Variants in POLN observed in about 807,000 individuals in gnomAD.
POLN encodes the protein DNA polymerase N.
Under a neutral mutation model 113.5 loss-of-function variants are expected in POLN, and 108 were observed. The observed-to-expected ratio is 0.95, with a 90% CI of 0.81 to 1.12. The LOEUF (loss-of-function observed/expected upper bound fraction) is 1.12. POLN is among the 50% of genes most tolerant of loss of function. The probability of loss-of-function intolerance (pLI) is 0.00; values close to 1 mark genes in which losing one functional copy is unlikely to be tolerated. For synonymous variants in POLN, 386 were observed against 391.5 expected (o/e 0.99, Z 0.17); for missense variants, 1,097 against 1,077.1 (o/e 1.02, Z -0.26).
At chr4:2,197,598 T>C (rs1040210323) in intron 6 of POLN, among the ~76,000 whole-genome samples, 1 of 152,212 alleles carries the variant, frequency 6.6e-6, no homozygotes, top group Non-Finnish European at 1.5e-5. Context: ...ATCCAGATAT[T>C]AGGGCTCTGT....
At chr4:2,103,809 G>C (rs1367397329) in intron 19 of POLN, among the ~76,000 whole-genome samples, 3 of 152,164 alleles carry the variant, frequency 2.0e-5, no homozygotes, top group Non-Finnish European at 2.9e-5. Context: ...CATATTCAAA[G>C]TGCTGAAAGA....
intron 2 of POLN, chr4:2,236,515 A>G (rs897657073): frequency 9.0e-6 from 11 of 1,225,202 alleles, no homozygotes; most frequent in Admixed American, 8.8e-5. Flanking sequence ...CATTTTCAAA[A>G]TTACAATCCA....
At chr4:2,215,470 G>T (rs1006856119) in intron 3 of POLN, among the ~76,000 whole-genome samples, 1 of 152,176 alleles carries the variant, frequency 6.6e-6, no homozygotes, top group Non-Finnish European at 1.5e-5. Context: ...TCACTCAAAG[G>T]CCTGCCCTGA....
chr4:2,129,888 C>CA (rs1731677728), intron 17 of POLN, among the ~76,000 whole-genome samples: 1 of 152,074 alleles, frequency 6.6e-6, no homozygotes, highest in African/African-American at 2.4e-5. Flanking sequence ...GAAGGGGCAG[C>CA]AGGGGATGAA....
intron 9 of POLN, among the ~76,000 whole-genome samples, chr4:2,175,694 C>A (rs924434920): frequency 6.6e-6 from 1 of 152,240 alleles, no homozygotes; most frequent in African/African-American, 2.4e-5. Context: ...CCTCCAGACC[C>A]ATTCTCTGCC....
At chr4:2,096,378 C>T (rs1010956167) in intron 19 of POLN, among the ~76,000 whole-genome samples, 9 of 152,160 alleles carry the variant, frequency 5.9e-5, no homozygotes, top group Admixed American at 2.0e-4. Context: ...CAGACAGAGG[C>T]CATGGGGGTG....
At chr4:2,122,305 T>G (rs1012807328) in intron 19 of POLN, among the ~76,000 whole-genome samples, 3 of 152,208 alleles carry the variant, frequency 2.0e-5, no homozygotes, top group Non-Finnish European at 4.4e-5. Context: ...TATTACATAC[T>G]TTAAAAATTC....
chr4:2,180,017 T>A (rs1279589545), intron 7 of POLN, among the ~76,000 whole-genome samples: 1 of 152,192 alleles, frequency 6.6e-6, no homozygotes, highest in Non-Finnish European at 1.5e-5. Context: ...AAAGATACTT[T>A]GGCATTCTCC....
chr4:2,139,407 T>G (rs1731941673), intron 16 of POLN, among the ~76,000 whole-genome samples: 1 of 152,226 alleles, frequency 6.6e-6, no homozygotes, highest in African/African-American at 2.4e-5. Context: ...CCCAGTTCCT[T>G]AGTGGGTCAC....
At chr4:2,156,577 C>G (rs559250628) in intron 16 of POLN, 1 of 645,404 alleles carries the variant, frequency 1.5e-6, no homozygotes, top group Admixed American at 2.4e-5. Flanking sequence ...GTGAAGCCCC[C>G]CTCTTGCTAA....
intron 19 of POLN, among the ~76,000 whole-genome samples, chr4:2,122,369 C>T (rs957203915): frequency 6.6e-6 from 1 of 152,072 alleles, no homozygotes; most frequent in African/African-American, 2.4e-5. Context: ...AAAAAGGACA[C>T]CTTCTGGGAG....
At chr4:2,200,018 G>A (rs1330338056) in intron 5 of POLN, among the ~76,000 whole-genome samples, 2 of 152,080 alleles carry the variant, frequency 1.3e-5, no homozygotes, top group Non-Finnish European at 2.9e-5. Flanking sequence ...ATTCCTACAG[G>A]AAATTAAAGT....
rs143822193 is a variant in POLN at position 2,095,820 on chromosome 4, C to A, written c.2065+31G>T. On this transcript the variant is annotated intron_variant, in intron 20 of 25. Transcript: ENST00000511885. Reference sequence around the variant, plus strand: ...CACAGCTGCCAGCTTACAGGTAACCCCGAGACCCCAGCTCCCGGCCCGCAG... The same window carrying A: ...CACAGCTGCCAGCTTACAGGTAACCACGAGACCCCAGCTCCCGGCCCGCAG... 4.1e-4 allele frequency: 651 copies of A among 1,606,472 alleles called. 8 individuals carry two copies. In the East Asian group the frequency reaches 0.014, roughly 35 times the overall value.
intron 5 of POLN, among the ~76,000 whole-genome samples, chr4:2,205,790 A>G (rs895451653): frequency 1.3e-5 from 2 of 150,846 alleles, no homozygotes; most frequent in African/African-American, 4.9e-5. Flanking sequence ...CAGAAGAATC[A>G]CTTGAACCCA....
intron 25 of POLN, among the ~76,000 whole-genome samples, chr4:2,072,707 T>A (rs1730179027): frequency 6.6e-6 from 1 of 152,048 alleles, no homozygotes; most frequent in African/African-American, 2.4e-5. Context: ...TCCCTGACCT[T>A]GAGTGGACCA....
Position 2,146,120 on chromosome 4 carries a change from T to C in POLN, c.1731+10668A>G, listed in dbSNP as rs183775136. On this transcript the variant is annotated intron_variant, in intron 16 of 25. Coordinates refer to ENST00000511885, the MANE Select transcript of POLN (RefSeq NM_181808.4). ...ATAAATAAATAAATAAATGCACGCA[T>C]TAAAATGGGATGATAAAGACTAAAT... 3.4e-4 allele frequency among the ~76,000 whole-genome samples: 52 copies of C among 152,074 alleles called. 1 individual carries two copies. The highest frequency in any genetic ancestry group is 1.2e-3 in the African/African-American group (51 of 41,510).
rs182136552 is a variant in POLN at position 2,181,593 on chromosome 4, T to C, written c.1022-2128A>G. Among the ~76,000 whole-genome samples the C allele has an allele frequency of 1.4e-3, 214 of 151,486 alleles. 1 individual carries two copies. The highest frequency in any genetic ancestry group is 4.6e-3 in the African/African-American group (190 of 41,220). On this transcript the variant is annotated intron_variant, in intron 7 of 25. Transcript: ENST00000511885. The stretch of plus-strand genomic sequence containing the variant: ...AAAAATGATAAATATGACAAAAAGA[T>C]AAATATGAAAGACAGACAAGAAGAT...
chr4:2,164,802 C>CAAAAAAAA (rs33935159), intron 13 of POLN, among the ~76,000 whole-genome samples: 2 of 28,722 alleles, frequency 7.0e-5, no homozygotes, highest in African/African-American at 1.2e-4. Flanking sequence ...GACTCTGTCT[C>CAAAAAAAA]AAAAAAAAAA....
At chr4:2,080,680 C>T in intron 23 of POLN, 1 of 1,346,356 alleles carries the variant, frequency 7.4e-7, no homozygotes, top group African/African-American at 1.5e-5. Flanking sequence ...AAGGGGTGCC[C>T]CTGTGCTGTG....
Sources: gnomAD v4.1 joint callset for allele counts (sites outside exome capture counted in the v4.1 genomes callset) on GRCh38, gnomAD v4.1.1 for gene constraint, MANE v1.5 for transcripts, NCBI Gene and HGNC (gene_info 2026-07-23, HGNC 2026-07-21) for gene names.